MAP2K5: variants seen among roughly 807,000 people sequenced by gnomAD.
MAP2K5 encodes the protein dual specificity mitogen-activated protein kinase kinase 5.
In MAP2K5, 49 loss-of-function variants were observed where a neutral mutation model predicts 83.1. That is an observed-to-expected ratio of 0.59 (90% CI 0.47 to 0.75). MAP2K5 has a LOEUF of 0.75. Among genes scored for constraint, MAP2K5 ranks in the 30% least tolerant of loss-of-function variants. MAP2K5 has a pLI of 0.00. For missense variants in MAP2K5, 457 were observed against 557.5 expected (o/e 0.82, Z 1.82); for synonymous variants, 202 against 191.8 (o/e 1.05, Z -0.44).
chr15:67,592,025 C>T (rs982000653), intron 6 of MAP2K5, among the ~76,000 whole-genome samples: 4 of 146,064 alleles, frequency 2.7e-5, no homozygotes, highest in Admixed American at 1.4e-4. Context: ...GCAGGAGAAT[C>T]GCTTGAACCT....
Position 67,658,627 on chromosome 15 carries a change from C to A in MAP2K5, c.798+13C>A. ...AATTGCAGTAGCAGTAAGTATATGG[C>A]TTCAGTGTTAGGAAATTTGAGTGAT... is the stretch of plus-strand genomic sequence containing the variant. On this transcript the variant is annotated intron_variant, in intron 12 of 21. Transcript: ENST00000178640. 1.2e-6 allele frequency: 2 copies of A among 1,602,414 alleles called. No individual in the cohort carries two copies. Among genetic ancestry groups the A allele is most frequent in the Non-Finnish European group, 8.5e-7 (1 of 1,170,788 alleles).
At chr15:67,694,822 T>A (rs62016222) in intron 15 of MAP2K5, among the ~76,000 whole-genome samples, 2 of 152,022 alleles carry the variant, frequency 1.3e-5, no homozygotes, top group African/African-American at 4.8e-5. Flanking sequence ...ATGTTTATTG[T>A]GGCATTATTC....
At chr15:67,688,709 TCA>T (rs1567361741) in intron 13 of MAP2K5, among the ~76,000 whole-genome samples, 1 of 152,228 alleles carries the variant, frequency 6.6e-6, no homozygotes, top group Non-Finnish European at 1.5e-5. Flanking sequence ...CATCTAATCC[TCA>T]CAGTTCTCTA....
chr15:67,713,018 AGG>A (rs1240155760), intron 16 of MAP2K5, among the ~76,000 whole-genome samples: 1 of 152,228 alleles, frequency 6.6e-6, no homozygotes, highest in Admixed American at 6.5e-5. Context: ...GAAAGAACAG[AGG>A]AAACAAAGGG....
At chr15:67,611,163 A>G (rs966810523) in intron 8 of MAP2K5, among the ~76,000 whole-genome samples, 10 of 152,226 alleles carry the variant, frequency 6.6e-5, no homozygotes, top group Non-Finnish European at 4.4e-5. Flanking sequence ...TTAAATCATA[A>G]TTAAATTTTC....
intron 4 of MAP2K5, 117 bp from the exon 5 acceptor site, chr15:67,585,773 C>A: frequency 1.2e-6 from 1 of 852,216 alleles, no homozygotes; most frequent in Non-Finnish European, 2.0e-6. Context: ...AGCCACTTTT[C>A]AATCATTTCT....
intron 19 of MAP2K5, among the ~76,000 whole-genome samples, chr15:67,753,363 T>G (rs900582268): frequency 3.3e-5 from 5 of 152,086 alleles, no homozygotes; most frequent in African/African-American, 1.2e-4. Flanking sequence ...TCAAAAACTT[T>G]TGTGTGTCAA....
intron 21 of MAP2K5, among the ~76,000 whole-genome samples, chr15:67,804,906 AC>A (rs963287098): frequency 3.3e-5 from 5 of 152,116 alleles, no homozygotes; most frequent in African/African-American, 1.2e-4. Flanking sequence ...GGAGGAGAAC[AC>A]TTGGAAGCCA....
In MAP2K5 at chr15:67,779,333, ACTGT is replaced by A. The variant is rs1244121442; in HGVS notation, c.1242+6585_1242+6588del. ...TGCATATAATTACATCGGCAGAATCACTGTCTGGATACTTGAGATCGCACTAAAT... is the reference window on the plus strand; with the variant it reads ...TGCATATAATTACATCGGCAGAATCACTGGATACTTGAGATCGCACTAAAT... On this transcript the variant is annotated intron_variant, in intron 21 of 21. Coordinates refer to ENST00000178640, the MANE Select transcript of MAP2K5 (RefSeq NM_145160.3). This position sits in a 1 kb window ranked among gnomAD's most constrained non-coding sequence, Gnocchi z 4.6. 1.3e-5 allele frequency among the ~76,000 whole-genome samples: 2 copies of A among 152,240 alleles called. No individual in the cohort carries two copies. Among genetic ancestry groups the A allele is most frequent in the Non-Finnish European group, 2.9e-5 (2 of 68,046 alleles).
At chr15:67,773,338 A>G (rs1349701414) in intron 21 of MAP2K5, among the ~76,000 whole-genome samples, 1 of 152,210 alleles carries the variant, frequency 6.6e-6, no homozygotes, top group African/African-American at 2.4e-5. Context: ...CCAAATGGTC[A>G]TTTGTTTAGT....
chr15:67,742,156 G>A (rs372261264), intron 17 of MAP2K5, among the ~76,000 whole-genome samples: 1 of 152,210 alleles, frequency 6.6e-6, no homozygotes, highest in South Asian at 2.1e-4. Flanking sequence ...CTCCCAAAGT[G>A]CTGGGATTGC....
rs774123231 is a variant in MAP2K5, at chr15:67,664,697, C to T, written c.847+52C>T. The T allele has an allele frequency of 1.1e-5, 13 of 1,142,974 alleles. No homozygotes were observed. The Middle Eastern group carries it at 6.0e-4, about 52-fold the overall frequency. The allele number at this position is 1,142,974 out of a possible 1,614,324, so 70.8% of individuals were successfully genotyped here. On this transcript the variant is annotated intron_variant, in intron 13 of 21. Transcript: ENST00000178640. ...TTTAATTTGGGGTGGGGTTGGGTCT[C>T]TCCAGATACCTTGATTTTTAAAGTA...
rs1028891196 is a variant in MAP2K5 at position 67,724,125 on chromosome 15, C to A, written c.1045-3791C>A. Among the ~76,000 whole-genome samples, 1 of 152,160 alleles carries A rather than the reference C, an allele frequency of 6.6e-6. No individual in the cohort carries two copies. Among genetic ancestry groups the A allele is most frequent in the Non-Finnish European group, 1.5e-5 (1 of 68,028 alleles). On this transcript the variant is annotated intron_variant, in intron 16 of 21. Coordinates refer to ENST00000178640, the MANE Select transcript of MAP2K5 (RefSeq NM_145160.3). The surrounding 1 kb of genome is among the most constrained non-coding windows in gnomAD (Gnocchi z 4.4). ...TTAAAGCTTCATTAAATCTGAAACA[C>A]ATTTAGTACAGTGACATATCTGCAG... is the stretch of plus-strand genomic sequence containing the variant.
At position 67,724,968 on chromosome 15, in the gene MAP2K5, T is replaced by TA. The variant is rs1225445966; in HGVS notation, c.1045-2945dup. Reference sequence around the variant, plus strand: ...AGAACCATTCTCTGTCTTCTAACTCTAAAGAGGTCAGACCTGCAAGATGTC... The same window carrying TA: ...AGAACCATTCTCTGTCTTCTAACTCTAAAAGAGGTCAGACCTGCAAGATGTC... On this transcript the variant is annotated intron_variant, in intron 16 of 21. Transcript: ENST00000178640. This position sits in a 1 kb window ranked among gnomAD's most constrained non-coding sequence, Gnocchi z 4.4. 6.6e-6 allele frequency among the ~76,000 whole-genome samples: 1 copy of TA among 152,228 alleles called. No homozygotes were observed. The highest frequency in any genetic ancestry group is 2.4e-5 in the African/African-American group (1 of 41,466).
At chr15:67,609,554 T>TATA (rs2085867906) in intron 8 of MAP2K5, among the ~76,000 whole-genome samples, 1 of 49,082 alleles carries the variant, frequency 2.0e-5, no homozygotes, top group African/African-American at 5.7e-5. Context: ...TCTATAGGTC[T>TATA]GTAGATTCTG....
intron 8 of MAP2K5, among the ~76,000 whole-genome samples, chr15:67,623,472 T>C (rs1266035941): frequency 6.6e-6 from 1 of 152,208 alleles, no homozygotes; most frequent in Admixed American, 6.5e-5. Context: ...TTGTTAAAGC[T>C]TTATTAGAGG....
Position 67,712,913 on chromosome 15 carries a change from C to CA in MAP2K5, c.1044+9518dup, listed in dbSNP as rs34588322. Among the ~76,000 whole-genome samples, 949 of 119,356 alleles carry CA rather than the reference C, an allele frequency of 8.0e-3. 5 individuals carry two copies. Among genetic ancestry groups the CA allele is most frequent in the African/African-American group, 0.021 (679 of 32,014 alleles). 78.3% of individuals were successfully genotyped at this position (119,356 alleles called of 152,430 possible). A position where few individuals can be genotyped will look rare whatever the true frequency, so the allele number is the denominator to read the frequency against. ...GCCTGGGCGACAGAGCAGGCTGTCT[C>CA]AAAAAAAAAAAAAGAACCAAGTCAT... is the stretch of plus-strand genomic sequence containing the variant. On this transcript the variant is annotated intron_variant, in intron 16 of 21. Transcript: ENST00000178640.
At chr15:67,761,828 T>C (rs972058888) in intron 19 of MAP2K5, among the ~76,000 whole-genome samples, 4 of 152,238 alleles carry the variant, frequency 2.6e-5, no homozygotes, top group African/African-American at 9.6e-5. Flanking sequence ...TAATTTATGA[T>C]CTACCTTTAA....
intron 1 of MAP2K5, among the ~76,000 whole-genome samples, chr15:67,545,864 A>G (rs1462179595): frequency 6.6e-6 from 1 of 152,152 alleles, no homozygotes; most frequent in East Asian, 1.9e-4. Context: ...TAAGCGCTCC[A>G]TTAGTGTTGT....
Sources: allele counts gnomAD v4.1 joint callset (sites outside exome capture counted in the v4.1 genomes callset), GRCh38; gene constraint gnomAD v4.1.1; non-coding constraint Gnocchi (gnomAD v3.1); transcripts MANE v1.5; gene names NCBI Gene and HGNC (gene_info 2026-07-23, HGNC 2026-07-21).